Variants in PDE8A observed in about 807,000 individuals in gnomAD.
PDE8A encodes the protein high affinity cAMP-specific and IBMX-insensitive 3',5'-cyclic phosphodiesterase 8A.
A neutral mutation model predicts 105.0 loss-of-function variants in PDE8A; 59 were observed. The ratio of observed to expected loss-of-function variants is 0.56; its 90% CI spans 0.46 to 0.70. The LOEUF is 0.70. Ranked by LOEUF, PDE8A falls within the 30% of genes least tolerant of loss-of-function variation. PDE8A has a pLI of 0.00. For missense variants in PDE8A, 1,014 were observed against 1,045.9 expected (o/e 0.97, Z 0.42); for synonymous variants, 355 against 371.9 (o/e 0.95, Z 0.52).
chr15:85,097,877 C>T (rs975405830), intron 8 of PDE8A, 71 bp from the exon 9 acceptor site: 3 of 853,648 alleles, frequency 3.5e-6, no homozygotes, highest in African/African-American at 3.4e-5. Context: ...TGAATCAGAA[C>T]TGAAGTGGAA....
At chr15:85,099,761 G>A in intron 9 of PDE8A, 1 of 483,032 alleles carries the variant, frequency 2.1e-6, no homozygotes. Context: ...TAAAAAATAT[G>A]TATATTTGAT....
chr15:85,131,371 C>T (rs1287216234), intron 20 of PDE8A, among the ~76,000 whole-genome samples: 1 of 152,142 alleles, frequency 6.6e-6, no homozygotes, highest in Non-Finnish European at 1.5e-5. Context: ...ATTACTGCCT[C>T]CTGTTGTGCT....
intron 3 of PDE8A, among the ~76,000 whole-genome samples, chr15:85,073,660 T>C (rs2081343476): frequency 6.6e-6 from 1 of 152,224 alleles, no homozygotes; most frequent in African/African-American, 2.4e-5. Context: ...CTCTGTGATA[T>C]GATGGAAATG....
At chr15:85,078,700 A>C (rs1021845517) in intron 5 of PDE8A, among the ~76,000 whole-genome samples, 3 of 152,208 alleles carry the variant, frequency 2.0e-5, no homozygotes, top group Non-Finnish European at 4.4e-5. Context: ...CTCACAAGGA[A>C]ATGCTAAAGG....
Position 85,091,178 on chromosome 15 carries a change from C to T in PDE8A, c.849C>T (p.Gly283=). 2 of 1,602,120 alleles carry T rather than the reference C, an allele frequency of 1.2e-6. No individual in the cohort carries two copies. The highest frequency in any genetic ancestry group is 1.7e-6 in the Non-Finnish European group (2 of 1,175,224). ...LDTINSCIRI[G]KEWQGIYYAK... The stretch of plus-strand genomic sequence containing the variant: ...CTATAAATTCATGCATCAGGATAGG[C>T]AAGGTAAGTAAGAGGTCAGTGCCTT... The change falls in exon 8 of 22, where the codon GGC becomes GGT. Residue 283 remains glycine (G), a synonymous_variant. Transcript: ENST00000394553.
intron 11 of PDE8A, 101 bp from the exon 12 acceptor site, chr15:85,108,952 C>A: frequency 1.3e-6 from 1 of 756,004 alleles, no homozygotes; most frequent in Non-Finnish European, 2.3e-6. Flanking sequence ...GCATTTAAAA[C>A]ATTTAAAGTT....
chr15:85,089,647 C>T (rs2141526517), intron 7 of PDE8A, among the ~76,000 whole-genome samples: 1 of 152,192 alleles, frequency 6.6e-6, no homozygotes, highest in South Asian at 2.1e-4. Context: ...AGAAATGCCA[C>T]ATTTGCATTC....
chr15:85,006,067 C>T (rs977349022), intron 1 of PDE8A, among the ~76,000 whole-genome samples: 1 of 151,756 alleles, frequency 6.6e-6, no homozygotes, highest in African/African-American at 2.4e-5. Context: ...TGAGCTCAGA[C>T]CTAAAGAAAT....
At chr15:85,007,254 C>T (rs761430128) in intron 1 of PDE8A, among the ~76,000 whole-genome samples, 4 of 151,896 alleles carry the variant, frequency 2.6e-5, no homozygotes, top group Admixed American at 6.6e-5. Context: ...ATGCTTAGAG[C>T]AGTGCCTAAT....
At chr15:84,989,023 G>A (rs1408817099) in intron 1 of PDE8A, among the ~76,000 whole-genome samples, 1 of 152,200 alleles carries the variant, frequency 6.6e-6, no homozygotes, top group Admixed American at 6.5e-5. Flanking sequence ...ATACCCTTAA[G>A]CCAGTGATTA....
intron 7 of PDE8A, 129 bp from the exon 8 acceptor site, chr15:85,090,915 G>A (rs572561394): frequency 3.5e-5 from 26 of 733,090 alleles, no homozygotes; most frequent in Non-Finnish European, 5.9e-5. Flanking sequence ...CAACTGCCAC[G>A]GTGAGGTCCA....
chr15:85,010,116 A>AG (rs1324041042), intron 1 of PDE8A, among the ~76,000 whole-genome samples: 2 of 152,186 alleles, frequency 1.3e-5, no homozygotes, highest in African/African-American at 4.8e-5. Context: ...CCTTTGAGGA[A>AG]GGGGAGGGGT....
At chr15:85,051,414 T>A (rs1218565365) in intron 1 of PDE8A, among the ~76,000 whole-genome samples, 1 of 152,218 alleles carries the variant, frequency 6.6e-6, no homozygotes, top group Admixed American at 6.5e-5. Context: ...CATTATGATG[T>A]TTGCTGTGGG....
upstream of PDE8A, among the ~76,000 whole-genome samples, chr15:84,981,007 C>T (rs1407770268): frequency 6.6e-6 from 1 of 152,204 alleles, no homozygotes; most frequent in African/African-American, 2.4e-5. Flanking sequence ...CGCGCGGCGC[C>T]CCAGTTTGAC....
intron 1 of PDE8A, among the ~76,000 whole-genome samples, chr15:85,041,384 C>T (rs1392366605): frequency 6.6e-6 from 1 of 152,186 alleles, no homozygotes; most frequent in African/African-American, 2.4e-5. Context: ...AACCGTTTGC[C>T]TGCTCTCTCG....
At chr15:85,098,946 G>A (rs1383250225) in intron 9 of PDE8A, among the ~76,000 whole-genome samples, 1 of 149,816 alleles carries the variant, frequency 6.7e-6, no homozygotes, top group Non-Finnish European at 1.5e-5. Context: ...AACAAAGTAA[G>A]ACACTGTCTC....
intron 1 of PDE8A, among the ~76,000 whole-genome samples, chr15:85,036,546 T>C (rs924138263): frequency 8.5e-5 from 13 of 152,176 alleles, no homozygotes; most frequent in South Asian, 2.1e-4. Flanking sequence ...ACATACACTT[T>C]GGCTATGGGC....
chr15:85,029,504 G>C (rs1167578758), intron 1 of PDE8A, among the ~76,000 whole-genome samples: 1 of 148,870 alleles, frequency 6.7e-6, no homozygotes, highest in African/African-American at 2.5e-5. Context: ...GAAGGCTTTT[G>C]TCTGAGCTTA....
chr15:85,119,783 GAAAT>G (rs2082153043), intron 17 of PDE8A, among the ~76,000 whole-genome samples: 1 of 151,756 alleles, frequency 6.6e-6, no homozygotes, highest in African/African-American at 2.4e-5. Context: ...AATCAACAAA[GAAAT>G]AAAACCAAAA....
Sources: allele counts gnomAD v4.1 joint callset (sites outside exome capture counted in the v4.1 genomes callset), GRCh38; gene constraint gnomAD v4.1.1; transcripts MANE v1.5; gene names NCBI Gene and HGNC (gene_info 2026-07-23, HGNC 2026-07-21).